Variants in COL11A1 observed in about 807,000 individuals in gnomAD.
COL11A1 encodes collagen type XI alpha 1 chain, also known as collagen alpha-1(XI) chain.
Under a neutral mutation model 265.2 loss-of-function variants are expected in COL11A1, and 74 were observed. The ratio of observed to expected loss-of-function variants is 0.28; its 90% CI spans 0.23 to 0.34. The LOEUF (loss-of-function observed/expected upper bound fraction) is 0.34, where lower values mean the gene tolerates loss of function less well. Among genes scored for constraint, COL11A1 ranks in the 10% least tolerant of loss-of-function variants. The probability of loss-of-function intolerance (pLI) is 1.00; values close to 1 mark genes in which losing one functional copy is unlikely to be tolerated. For missense variants in COL11A1, 2,165 were observed against 2,263.6 expected, an observed-to-expected ratio of 0.96 and a Z score of 0.88; for synonymous variants, 816 against 727.6, an observed-to-expected ratio of 1.12 and a Z score of -1.96.
In COL11A1 at chr1:103,108,358, A is replaced by G. The variant is rs1674880457; in HGVS notation, c.-180T>C. ...GATGGTTTGCGTTCTTCGTGTCTCT[A>G]GCCCTTTCCTCTCCCTCTGAGTTGG... On this transcript the variant is annotated 5_prime_UTR_variant, in exon 1 of 67. Transcript: ENST00000370096. The G allele has an allele frequency of 1.5e-6, 1 of 656,116 alleles. No homozygotes were observed. The highest frequency in any genetic ancestry group is 2.2e-5 in the Admixed American group (1 of 45,830). The allele number at this position is 656,116 out of a possible 1,614,324, so 40.6% of individuals were successfully genotyped here. A position where few individuals can be genotyped will look rare whatever the true frequency, so the allele number is the denominator to read the frequency against.
chr1:103,083,627 GAGTT>G (rs1181043708), intron 1 of COL11A1, among the ~76,000 whole-genome samples: 1 of 152,096 alleles, frequency 6.6e-6, no homozygotes, highest in African/African-American at 2.4e-5. Flanking sequence ...GTGCTTTCCT[GAGTT>G]AGTTATTTAC....
chr1:102,979,073 T>C lies in COL11A1; in HGVS notation c.2642A>G (p.Gln881Arg). The change falls in exon 33 of 67, where the codon CAG (glutamine) becomes CGG (arginine). Residue 881 changes from glutamine to arginine, a missense_variant. Coordinates refer to ENST00000370096, the MANE Select transcript of COL11A1 (RefSeq NM_001854.4). ...GVAGKPGPRG[Q>R]RGPTGPRGSR... The stretch of plus-strand genomic sequence containing the variant: ...CAAGGCACCTACCGTTGGACCACGC[T>C]GACCCCGAGGGCCTGGTTTGCCAGC... The C allele has an allele frequency of 6.2e-7, 1 of 1,614,176 alleles. No homozygotes were observed. The highest frequency in any genetic ancestry group is 1.7e-5 in the Admixed American group (1 of 60,016).
intron 14 of COL11A1, among the ~76,000 whole-genome samples, chr1:103,010,311 A>G (rs921035512): frequency 1.7e-4 from 26 of 152,194 alleles, no homozygotes; most frequent in African/African-American, 6.0e-4. Flanking sequence ...TAATAATTTA[A>G]TGTTTTGATG....
chr1:103,031,535 G>A (rs1667997222), intron 4 of COL11A1, among the ~76,000 whole-genome samples: 1 of 151,870 alleles, frequency 6.6e-6, no homozygotes, highest in Non-Finnish European at 1.5e-5. Flanking sequence ...AATTTATACT[G>A]CATGGTAAAG....
intron 24 of COL11A1, among the ~76,000 whole-genome samples, chr1:103,000,665 G>C (rs180835810): frequency 6.6e-6 from 1 of 151,996 alleles, no homozygotes; most frequent in East Asian, 1.9e-4. Context: ...ACTTGGAAGG[G>C]AAAATGGTAC....
intron 4 of COL11A1, among the ~76,000 whole-genome samples, chr1:103,072,106 AATCT>A (rs1375423815): frequency 6.6e-6 from 1 of 151,896 alleles, no homozygotes; most frequent in Non-Finnish European, 1.5e-5. Flanking sequence ...GAAATTATAA[AATCT>A]GAATTATGAG....
chr1:103,095,451 A>G (rs190200004), intron 1 of COL11A1, among the ~76,000 whole-genome samples: 2 of 152,138 alleles, frequency 1.3e-5, no homozygotes, highest in Admixed American at 6.6e-5. Context: ...AGGCCTCAAT[A>G]AGAAAATGAT....
chr1:102,914,649 G>C (rs1248230154), intron 51 of COL11A1, 55 bp downstream of exon 51: 1 of 1,332,084 alleles, frequency 7.5e-7, no homozygotes, highest in Non-Finnish European at 1.1e-6. Context: ...TCTAAGAAAA[G>C]CTCCAAGGTG....
At chr1:103,054,200 TA>T (rs1286297197) in intron 4 of COL11A1, among the ~76,000 whole-genome samples, 2 of 152,234 alleles carry the variant, frequency 1.3e-5, no homozygotes, top group Non-Finnish European at 2.9e-5. Context: ...TTTGTTGTTT[TA>T]ATACATTATA....
chr1:103,045,423 C>G (rs561281210), intron 4 of COL11A1, among the ~76,000 whole-genome samples: 1 of 151,924 alleles, frequency 6.6e-6, no homozygotes. Context: ...TGCAATTATC[C>G]AAGGAACAAG....
At position 103,023,027 on chromosome 1, in the gene COL11A1, A is replaced by G. The variant is rs1205166583; in HGVS notation, c.991-31T>C. 4 of 1,602,574 alleles carry G rather than the reference A, an allele frequency of 2.5e-6. No individual in the cohort carries two copies. The East Asian group carries it at 6.7e-5, about 27-fold the overall frequency. ...AATTTAAATTGCAAGGAATTGAGGA[A>G]CATGAAGTTTATTGTTAGTAAAGCA... On this transcript the variant is annotated intron_variant, in intron 7 of 66. Transcript: ENST00000370096.
At chr1:102,908,206 T>C (rs1371439417) in intron 54 of COL11A1, among the ~76,000 whole-genome samples, 3 of 152,138 alleles carry the variant, frequency 2.0e-5, no homozygotes, top group African/African-American at 7.2e-5. Flanking sequence ...TACTTTTTCA[T>C]GCCTTTGGCA....
At chr1:103,052,872 G>A (rs60534143) in intron 4 of COL11A1, among the ~76,000 whole-genome samples, 5,283 of 152,200 alleles carry the variant, frequency 0.035, 331 homozygotes, top group African/African-American at 0.12. Context: ...CAAGAAATAC[G>A]TAGTCCAATA....
In COL11A1 at chr1:102,921,580, G is replaced by C; in HGVS notation, c.3655-9C>G. 1.2e-6 allele frequency: 2 copies of C among 1,609,778 alleles called. No homozygotes were observed. The highest frequency in any genetic ancestry group is 1.7e-6 in the Non-Finnish European group (2 of 1,177,536). On this transcript the variant is annotated splice_polypyrimidine_tract_variant and intron_variant, in intron 47 of 66. Transcript: ENST00000370096. ...GGAGGACCAGGTGGCCCCTGTAAGA[G>C]AGAAATATTGAGGTTTACAAAGACC...
intron 55 of COL11A1, 73 bp downstream of exon 55, chr1:102,898,868 T>G: frequency 7.7e-7 from 1 of 1,294,726 alleles, no homozygotes; most frequent in Non-Finnish European, 1.1e-6. Context: ...AGTTTATGCA[T>G]GAAATTTTCA....
intron 18 of COL11A1, 94 bp downstream of exon 18, chr1:103,005,744 T>C (rs1312128982): frequency 6.9e-7 from 1 of 1,456,462 alleles, no homozygotes; most frequent in Non-Finnish European, 9.6e-7. Flanking sequence ...AACGTTAAAA[T>C]TAATTTTTCT....
At chr1:102,881,161 T>C (rs1650194115) in intron 65 of COL11A1, among the ~76,000 whole-genome samples, 1 of 152,084 alleles carries the variant, frequency 6.6e-6, no homozygotes, top group Non-Finnish European at 1.5e-5. Context: ...ATGTATATGA[T>C]TAAACACCTT....
chr1:102,893,066 C>G (rs921034651), intron 57 of COL11A1, among the ~76,000 whole-genome samples: 2 of 152,122 alleles, frequency 1.3e-5, no homozygotes, highest in Non-Finnish European at 2.9e-5. Flanking sequence ...TGGGGCTTTG[C>G]TCTCCATAGT....
chr1:102,948,389 A>C (rs1659534433), intron 41 of COL11A1, among the ~76,000 whole-genome samples: 1 of 152,076 alleles, frequency 6.6e-6, no homozygotes, highest in Non-Finnish European at 1.5e-5. Context: ...CTCTACTCTG[A>C]TTTCTTGACA....
Sources: allele counts gnomAD v4.1 joint callset (sites outside exome capture counted in the v4.1 genomes callset), GRCh38; gene constraint gnomAD v4.1.1; transcripts MANE v1.5; gene names NCBI Gene and HGNC (gene_info 2026-07-23, HGNC 2026-07-21).